The following LRCH1 variants were observed in gnomAD, a reference collection of about 807,000 sequenced individuals.
The protein encoded by LRCH1 is leucine-rich repeat and calponin homology domain-containing protein 1.
A neutral mutation model predicts 94.9 loss-of-function variants in LRCH1; 23 were observed. The ratio of observed to expected loss-of-function variants is 0.24; its 90% CI spans 0.17 to 0.34. The LOEUF (loss-of-function observed/expected upper bound fraction) is 0.34, where lower values mean the gene tolerates loss of function less well. LRCH1 is among the 10% of genes least tolerant of loss of function. The pLI is 1.00. For missense variants in LRCH1, 790 were observed against 945.9 expected (o/e 0.84, Z 2.16); for synonymous variants, 364 against 354.9 (o/e 1.03, Z -0.29).
chr13:46,657,162 TA>T (rs1240949899), intron 2 of LRCH1, among the ~76,000 whole-genome samples: 4 of 60,530 alleles, frequency 6.6e-5, no homozygotes, highest in Non-Finnish European at 1.5e-4. Flanking sequence ...AATTCAATTG[TA>T]TTTTTTTTTT....
rs142998672 is a variant in LRCH1, at chr13:46,680,097, C to T, written c.580-1644C>T. ...AGCTTTTCCAGGTTCAAAAGTAAAG[C>T]GGGATATTTAAGGCCTTGATCTCAC... On this transcript the variant is annotated intron_variant, in intron 3 of 19. Transcript: ENST00000389797. 47 of 152,226 alleles carry T rather than the reference C, an allele frequency of 3.1e-4. 1 individual carries two copies. The highest frequency in any genetic ancestry group is 1.0e-3 in the African/African-American group (43 of 41,548). The allele number at this position is 152,226 out of a possible 1,614,324, so 9.4% of individuals were successfully genotyped here.
chr13:46,570,279 A>G (rs1051760079), intron 1 of LRCH1, among the ~76,000 whole-genome samples: 1 of 152,200 alleles, frequency 6.6e-6, no homozygotes, highest in Non-Finnish European at 1.5e-5. Context: ...CTTCTTGCAA[A>G]TGCCTTGAGG....
At chr13:46,735,889 C>T (rs945679963) in intron 19 of LRCH1, among the ~76,000 whole-genome samples, 4 of 150,532 alleles carry the variant, frequency 2.7e-5, no homozygotes, top group African/African-American at 4.9e-5. Context: ...CTCCACTTCC[C>T]GGGTTCAAGC....
At chr13:46,657,011 A>AG (rs1437036376) in intron 2 of LRCH1, among the ~76,000 whole-genome samples, 1 of 152,156 alleles carries the variant, frequency 6.6e-6, no homozygotes, top group African/African-American at 2.4e-5. Context: ...GAGACACAAA[A>AG]GGGATATTAT....
chr13:46,702,333 C>T (rs1871521894), intron 11 of LRCH1, among the ~76,000 whole-genome samples: 1 of 152,118 alleles, frequency 6.6e-6, no homozygotes, highest in Admixed American at 6.5e-5. Context: ...GAAACCCTGT[C>T]TGTACTAATA....
At chr13:46,616,538 CACTT>C (rs1464158944) in intron 1 of LRCH1, among the ~76,000 whole-genome samples, 2 of 152,252 alleles carry the variant, frequency 1.3e-5, no homozygotes, top group African/African-American at 2.4e-5. Context: ...TGTCTTGAGT[CACTT>C]ACTTCCAAAT....
chr13:46,644,448 G>C (rs778391975), intron 1 of LRCH1, among the ~76,000 whole-genome samples: 21 of 152,138 alleles, frequency 1.4e-4, no homozygotes, highest in Non-Finnish European at 2.9e-4. Context: ...CCCATCCTTA[G>C]TGTACGTTGA....
intron 1 of LRCH1, among the ~76,000 whole-genome samples, chr13:46,612,155 G>A (rs910514466): frequency 6.6e-6 from 1 of 152,088 alleles, no homozygotes; most frequent in Non-Finnish European, 1.5e-5. Flanking sequence ...AAACCACCAT[G>A]GCACACATTT....
At chr13:46,567,527 T>TGTGTGTGTGTG (rs2050197907) in intron 1 of LRCH1, among the ~76,000 whole-genome samples, 2 of 151,698 alleles carry the variant, frequency 1.3e-5, no homozygotes, top group Non-Finnish European at 2.9e-5. Flanking sequence ...TGTGTGTGTG[T>TGTGTGTGTGTG]TTTCCTGGTG....
At chr13:46,600,440 T>C (rs1383448339) in intron 1 of LRCH1, among the ~76,000 whole-genome samples, 1 of 152,198 alleles carries the variant, frequency 6.6e-6, no homozygotes, top group Non-Finnish European at 1.5e-5. Flanking sequence ...GAAGTATTTA[T>C]TTTTATTCAC....
rs561434946 is a variant in LRCH1 at position 46,589,973 on chromosome 13, G to C, written c.307+36270G>C. On this transcript the variant is annotated intron_variant, in intron 1 of 19. Coordinates refer to ENST00000389797, the MANE Select transcript of LRCH1 (RefSeq NM_001164211.2). ...CTTGCCTTGGAGGACATCCCACATG[G>C]AGGATGTGTCTGATTGTTTCCTGTT... Among the ~76,000 whole-genome samples the C allele has an allele frequency of 5.9e-5, 9 of 151,778 alleles. No homozygotes were observed. The South Asian group carries it at 1.9e-3, about 32-fold the overall frequency.
rs188828960 is a variant in LRCH1, at chr13:46,744,513, T to A, written c.*2665T>A. On this transcript the variant is annotated 3_prime_UTR_variant, in exon 20 of 20. Coordinates refer to ENST00000389797, the MANE Select transcript of LRCH1 (RefSeq NM_001164211.2). ...TGTTATTTTTAGGGAGAGACACTTA[T>A]GAAATGGGGCTGGTGGAAAGGGGCC... 36 of 985,278 alleles carry A rather than the reference T, an allele frequency of 3.7e-5. No individual in the cohort carries two copies. Among genetic ancestry groups the A allele is most frequent in the Non-Finnish European group, 4.2e-5 (35 of 829,926 alleles). The allele number at this position is 985,278 out of a possible 1,614,324, so 61.0% of individuals were successfully genotyped here.
At position 46,721,360 on chromosome 13, in the gene LRCH1, A is replaced by T. The variant is rs17068706; in HGVS notation, c.1760-1861A>T. ...CCCCTTGCTGGCATATGTGTGTATT[A>T]TCCAACTCTATCTGCATTTCTTGAC... On this transcript the variant is annotated intron_variant, in intron 16 of 19. Transcript: ENST00000389797. Among the ~76,000 whole-genome samples, 1,377 of 152,348 alleles carry T rather than the reference A, an allele frequency of 9.0e-3. 52 individuals carry two copies. The highest frequency in any genetic ancestry group is 0.085 in the East Asian group (440 of 5,184).
At chr13:46,725,809 C>G (rs977972541) in intron 17 of LRCH1, among the ~76,000 whole-genome samples, 4 of 152,190 alleles carry the variant, frequency 2.6e-5, no homozygotes, top group Admixed American at 2.6e-4. Flanking sequence ...CCTGGACTAT[C>G]TGGATGTGAT....
intron 3 of LRCH1, among the ~76,000 whole-genome samples, chr13:46,671,217 A>G (rs2051597347): frequency 6.6e-6 from 1 of 152,206 alleles, no homozygotes; most frequent in Non-Finnish European, 1.5e-5. Flanking sequence ...GCCAAGTTAG[A>G]TCTCACTTTG....
chr13:46,707,111 G>A (rs1437016967), intron 13 of LRCH1, among the ~76,000 whole-genome samples: 1 of 152,156 alleles, frequency 6.6e-6, no homozygotes, highest in Non-Finnish European at 1.5e-5. Flanking sequence ...GCTCATCAGA[G>A]CATTTTTTTC....
chr13:46,593,345 T>G (rs1336131871), intron 1 of LRCH1, among the ~76,000 whole-genome samples: 1 of 150,618 alleles, frequency 6.6e-6, no homozygotes, highest in African/African-American at 2.4e-5. Flanking sequence ...ACAAATTTGG[T>G]TTTTCTAGTC....
intron 1 of LRCH1, among the ~76,000 whole-genome samples, chr13:46,582,020 T>A (rs1411193105): frequency 6.6e-6 from 1 of 151,900 alleles, no homozygotes; most frequent in Non-Finnish European, 1.5e-5. Flanking sequence ...CGTGCTGGTG[T>A]GTGCCTGTAG....
Position 46,649,539 on chromosome 13 carries a change from A to G in LRCH1, c.308-662A>G, listed in dbSNP as rs749857345. ...CCAGTTTTACTGCTGATTGTGCTTC[A>G]TAGTGTCAGTTCTTAACAGATACAA... On this transcript the variant is annotated intron_variant, in intron 1 of 19. Transcript: ENST00000389797. 5.5e-4 allele frequency among the ~76,000 whole-genome samples: 83 copies of G among 152,158 alleles called. 1 individual carries two copies. The highest frequency in any genetic ancestry group is 5.1e-4 in the Non-Finnish European group (35 of 68,024).
Sources: gnomAD v4.1 joint callset for allele counts (sites outside exome capture counted in the v4.1 genomes callset) on GRCh38, gnomAD v4.1.1 for gene constraint, MANE v1.5 for transcripts, NCBI Gene and HGNC (gene_info 2026-07-23, HGNC 2026-07-21) for gene names.